The following PELI2 variants were observed in gnomAD, a reference collection of about 807,000 sequenced individuals.
PELI2 encodes the protein E3 ubiquitin-protein ligase pellino homolog 2.
Under a neutral mutation model 42.3 loss-of-function variants are expected in PELI2, and 23 were observed. That is an observed-to-expected ratio of 0.54 (90% CI 0.39 to 0.77). PELI2 has a LOEUF of 0.77. Ranked by LOEUF, PELI2 falls within the 30% of genes least tolerant of loss-of-function variation. The probability of loss-of-function intolerance (pLI) is 0.00; values close to 1 mark genes in which losing one functional copy is unlikely to be tolerated. For synonymous variants in PELI2, 245 were observed against 212.2 expected, an observed-to-expected ratio of 1.15 and a Z score of -1.34; for missense variants, 463 against 553.2, an observed-to-expected ratio of 0.84 and a Z score of 1.64.
intron 2 of PELI2, among the ~76,000 whole-genome samples, chr14:56,222,480 A>C (rs1185695032): frequency 6.6e-6 from 1 of 152,264 alleles, no homozygotes; most frequent in Non-Finnish European, 1.5e-5. Flanking sequence ...TGCCTGTGCC[A>C]GACACTGTCT....
chr14:56,118,508 G>T lies in PELI2; in HGVS notation c.-153G>T. On this transcript the variant is annotated 5_prime_UTR_variant, in exon 1 of 6. Transcript: ENST00000267460. ...CGCAGCCACGACGGAGCAGCAGCGG[G>T]ACTGGCCGCCCCGCGCCCCCTTCGC... 1 of 398,176 alleles carries T rather than the reference G, an allele frequency of 2.5e-6. No homozygotes were observed. Among genetic ancestry groups the T allele is most frequent in the South Asian group, 1.1e-4 (1 of 8,736 alleles). The allele number at this position is 398,176 out of a possible 1,614,324, so 24.7% of individuals were successfully genotyped here.
intron 2 of PELI2, among the ~76,000 whole-genome samples, chr14:56,248,153 TA>T (rs1286669275): frequency 6.6e-6 from 1 of 152,214 alleles, no homozygotes; most frequent in Admixed American, 6.5e-5. Flanking sequence ...TTTAAACCAT[TA>T]AAAGTAGTTG....
intron 2 of PELI2, among the ~76,000 whole-genome samples, chr14:56,232,846 C>A (rs12589228): frequency 0.4 from 58,557 of 148,046 alleles, 12,391 homozygotes; most frequent in South Asian, 0.52. Flanking sequence ...ACATGATTGT[C>A]TATTTAGAAA....
chr14:56,163,193 TA>T (rs1404812048), intron 1 of PELI2, among the ~76,000 whole-genome samples: 1 of 152,204 alleles, frequency 6.6e-6, no homozygotes, highest in Non-Finnish European at 1.5e-5. Context: ...TTGCTTGTAG[TA>T]ATTTCATAGT....
chr14:56,119,379 C>A (rs1595529557), intron 1 of PELI2, among the ~76,000 whole-genome samples: 1 of 151,966 alleles, frequency 6.6e-6, no homozygotes, highest in Admixed American at 6.5e-5. Context: ...CGCTTCTCCC[C>A]GCTTGGAGTG....
rs1890136301 is a variant in PELI2, at chr14:56,300,331, AC to A, written c.*3166del. The A allele has an allele frequency of 1.3e-5, 2 of 152,670 alleles. No homozygotes were observed. The highest frequency in any genetic ancestry group is 2.9e-5 in the Non-Finnish European group (2 of 68,056). 9.5% of individuals were successfully genotyped at this position (152,670 alleles called of 1,614,324 possible). ...AGAAATATGTCAGAAACTGGCATAA[AC>A]ATGATTGTAGTAGAATTTATTTTCC... On this transcript the variant is annotated 3_prime_UTR_variant, in exon 6 of 6. Coordinates refer to ENST00000267460, the MANE Select transcript of PELI2 (RefSeq NM_021255.3).
rs542026825 is a variant in PELI2, at chr14:56,218,992, A to G, written c.207+40528A>G. Among the ~76,000 whole-genome samples the G allele has an allele frequency of 4.6e-5, 7 of 152,260 alleles. No individual in the cohort carries two copies. The South Asian group carries it at 8.3e-4, about 18-fold the overall frequency. Reference sequence around the variant, plus strand: ...GTGCTCTCGCACTGCTTTTACCTGGATTTATAAAATGCCCAGTCCTTATAC... The same window carrying G: ...GTGCTCTCGCACTGCTTTTACCTGGGTTTATAAAATGCCCAGTCCTTATAC... On this transcript the variant is annotated intron_variant, in intron 2 of 5. Transcript: ENST00000267460.
At chr14:56,212,168 T>C (rs1198515147) in intron 2 of PELI2, among the ~76,000 whole-genome samples, 1 of 152,200 alleles carries the variant, frequency 6.6e-6, no homozygotes, top group Non-Finnish European at 1.5e-5. Context: ...AGGACATTAG[T>C]ATGTCTCCAA....
At chr14:56,215,141 T>C (rs564340461) in intron 2 of PELI2, among the ~76,000 whole-genome samples, 5 of 152,332 alleles carry the variant, frequency 3.3e-5, no homozygotes, top group East Asian at 3.9e-4. Context: ...TCACTTCTAA[T>C]AGAGATAACA....
intron 2 of PELI2, among the ~76,000 whole-genome samples, chr14:56,230,435 G>C (rs1887516039): frequency 6.6e-6 from 1 of 152,134 alleles, no homozygotes; most frequent in Non-Finnish European, 1.5e-5. Flanking sequence ...AAGAGAGTGG[G>C]GGCCAGTATT....
At chr14:56,164,577 C>T (rs1884883165) in intron 1 of PELI2, among the ~76,000 whole-genome samples, 1 of 151,758 alleles carries the variant, frequency 6.6e-6, no homozygotes, top group Non-Finnish European at 1.5e-5. Context: ...GAAAGTATTC[C>T]CTCCTCTATT....
intron 1 of PELI2, among the ~76,000 whole-genome samples, chr14:56,150,517 G>A (rs1428935745): frequency 1.3e-5 from 2 of 151,896 alleles, no homozygotes; most frequent in Non-Finnish European, 2.9e-5. Flanking sequence ...CTGAGTAGTA[G>A]AGTATTTATT....
At chr14:56,192,569 G>A (rs1416201313) in intron 2 of PELI2, among the ~76,000 whole-genome samples, 1 of 152,162 alleles carries the variant, frequency 6.6e-6, no homozygotes, top group African/African-American at 2.4e-5. Context: ...CCCCTGGAGG[G>A]CTACTGATTT....
chr14:56,149,006 C>CA (rs1251187452), intron 1 of PELI2, among the ~76,000 whole-genome samples: 1 of 152,152 alleles, frequency 6.6e-6, no homozygotes, highest in African/African-American at 2.4e-5. Flanking sequence ...CAAACCCATT[C>CA]ACTGATTGAA....
intron 1 of PELI2, among the ~76,000 whole-genome samples, chr14:56,174,996 C>A (rs575120240): frequency 6.6e-6 from 1 of 152,122 alleles, no homozygotes; most frequent in East Asian, 1.9e-4. Context: ...ACTTAGATTT[C>A]TTTTTCTTTC....
At chr14:56,268,679 T>G (rs1480017820) in intron 2 of PELI2, among the ~76,000 whole-genome samples, 1 of 152,206 alleles carries the variant, frequency 6.6e-6, no homozygotes, top group African/African-American at 2.4e-5. Context: ...ACTTTCTCCA[T>G]CTCTTATCAG....
intron 2 of PELI2, among the ~76,000 whole-genome samples, chr14:56,256,888 T>TA (rs1373210940): frequency 6.6e-6 from 1 of 152,200 alleles, no homozygotes; most frequent in Non-Finnish European, 1.5e-5. Context: ...TTCAAATTCA[T>TA]ATTAGTGTGT....
intron 2 of PELI2, among the ~76,000 whole-genome samples, chr14:56,189,640 A>G (rs761831528): frequency 1.3e-5 from 2 of 152,220 alleles, no homozygotes; most frequent in African/African-American, 2.4e-5. Flanking sequence ...GGAAGTATTA[A>G]TGACCTGTTA....
At chr14:56,270,185 C>T (rs1236149098) in intron 2 of PELI2, among the ~76,000 whole-genome samples, 1 of 152,186 alleles carries the variant, frequency 6.6e-6, no homozygotes, top group African/African-American at 2.4e-5. Flanking sequence ...AACGCTATTG[C>T]CTCTAACAAA....
Sources: allele counts gnomAD v4.1 joint callset (sites outside exome capture counted in the v4.1 genomes callset), GRCh38; gene constraint gnomAD v4.1.1; transcripts MANE v1.5; gene names NCBI Gene and HGNC (gene_info 2026-07-23, HGNC 2026-07-21).